Variants in SI observed in about 807,000 individuals in gnomAD.
SI encodes sucrase-isomaltase.
Under a neutral mutation model 253.3 loss-of-function variants are expected in SI, and 235 were observed. The observed-to-expected ratio is 0.93, with a 90% CI of 0.83 to 1.03. The LOEUF is 1.03. Among genes scored for constraint, SI ranks in the 50% least tolerant of loss-of-function variants. The pLI, the probability that SI is intolerant of heterozygous loss-of-function variation, is 0.00. For synonymous variants in SI, 819 were observed against 712.0 expected, an observed-to-expected ratio of 1.15 and a Z score of -2.39; for missense variants, 2,442 against 2,211.1, an observed-to-expected ratio of 1.10 and a Z score of -2.09.
Position 165,016,046 on chromosome 3 carries a change from C to A in SI, c.3794G>T (p.Arg1265Met), listed in dbSNP as rs1406134283. The A allele has an allele frequency of 6.2e-7, 1 of 1,613,076 alleles. No homozygotes were observed. Among genetic ancestry groups the A allele is most frequent in the East Asian group, 2.2e-5 (1 of 44,774 alleles). ...VQYTDIDYMERQLDFTIGEAF... is the reference protein window; with the variant it reads ...VQYTDIDYMEMQLDFTIGEAF... Reference sequence around the variant, plus strand: ...TTCACCAATTGTAAAGTCTAGCTGCCTTTCCATGTAGTCAATGTCTGTGTA... The same window carrying A: ...TTCACCAATTGTAAAGTCTAGCTGCATTTCCATGTAGTCAATGTCTGTGTA... Residue 1265 changes from arginine to methionine, a missense_variant, in exon 32 of 48, where the codon AGG becomes ATG. Coordinates refer to ENST00000264382, the MANE Select transcript of SI (RefSeq NM_001041.4).
In SI at chr3:165,059,167, C is replaced by T. The variant is rs1713858987; in HGVS notation, c.1278+1G>A. 1 of 1,612,252 alleles carries T rather than the reference C, an allele frequency of 6.2e-7. No homozygotes were observed. The highest frequency in any genetic ancestry group is 8.5e-7 in the Non-Finnish European group (1 of 1,179,070). On this transcript the variant is annotated splice_donor_variant, in intron 11 of 47. Transcript: ENST00000264382. LOFTEE classifies it high-confidence loss of function. Reference sequence around the variant, plus strand: ...TGTATTAAGGTATAATTGATTATTACCAAGATGATGACATATTTCTGTCCA... The same window carrying T: ...TGTATTAAGGTATAATTGATTATTATCAAGATGATGACATATTTCTGTCCA...
intron 28 of SI, among the ~76,000 whole-genome samples, 174 bp from the exon 29 acceptor site, chr3:165,018,240 A>G (rs1719136771): frequency 6.6e-6 from 1 of 151,544 alleles, no homozygotes; most frequent in Admixed American, 6.6e-5. Flanking sequence ...ATAATTGTTT[A>G]AATTTTTTCT....
intron 37 of SI, among the ~76,000 whole-genome samples, chr3:165,003,294 T>C (rs1718341674): frequency 1.3e-5 from 2 of 151,944 alleles, no homozygotes; most frequent in Non-Finnish European, 2.9e-5. Context: ...ATAATTTTTG[T>C]CAATAAGATC....
intron 14 of SI, 46 bp downstream of exon 14, chr3:165,049,745 A>T: frequency 8.9e-7 from 1 of 1,126,446 alleles, no homozygotes; most frequent in South Asian, 1.3e-5. Flanking sequence ...CAACTACAAA[A>T]TTATTCTCAA....
chr3:165,052,026 T>G (rs1387325051), intron 13 of SI, among the ~76,000 whole-genome samples: 4 of 152,022 alleles, frequency 2.6e-5, no homozygotes. Flanking sequence ...TTTTCATAAT[T>G]TTAACCATAT....
chr3:165,003,646 C>T (rs1164524292), intron 37 of SI, among the ~76,000 whole-genome samples: 1 of 152,052 alleles, frequency 6.6e-6, no homozygotes, highest in African/African-American at 2.4e-5. Flanking sequence ...CTTTTATCAA[C>T]TTCAGCTATT....
In SI at chr3:165,030,823, A is replaced by G; in HGVS notation, c.2781T>C (p.Phe927=). The G allele has an allele frequency of 6.2e-7, 1 of 1,605,034 alleles. No individual in the cohort carries two copies. The highest frequency in any genetic ancestry group is 2.2e-5 in the East Asian group (1 of 44,618). Residue 927 remains phenylalanine (F), a synonymous_variant, in exon 25 of 48, where the codon TTT becomes TTC. Transcript: ENST00000264382. ...ADLKLNLGRN[F]SVQWNQIFSE... The stretch of plus-strand genomic sequence containing the variant: ...AGAAAATTTGATTCCATTGAACACT[A>G]AAGTTTCTTCCAAGATTAAGTTTGA...
chr3:165,011,295 A>G lies in SI; in HGVS notation c.4062+1685T>C, dbSNP rs375076474. ...TTTGCTGCATCCCAGAAGTTTTGCTAAGTTGTATTTTTATTTTTGTTTGTC... is the reference window on the plus strand; with the variant it reads ...TTTGCTGCATCCCAGAAGTTTTGCTGAGTTGTATTTTTATTTTTGTTTGTC... On this transcript the variant is annotated intron_variant, in intron 34 of 47. Coordinates refer to ENST00000264382, the MANE Select transcript of SI (RefSeq NM_001041.4). Among the ~76,000 whole-genome samples the G allele has an allele frequency of 9.9e-5, 15 of 152,082 alleles. No individual in the cohort carries two copies. In the South Asian group the frequency reaches 2.9e-3, roughly 29 times the overall value.
intron 23 of SI, among the ~76,000 whole-genome samples, 184 bp downstream of exon 23, chr3:165,033,211 G>A (rs924959597): frequency 6.6e-6 from 1 of 151,238 alleles, no homozygotes; most frequent in African/African-American, 2.4e-5. Context: ...AAAATTTTAA[G>A]GTAACAATTT....
chr3:165,032,496 A>G (rs991877402), intron 24 of SI, 26 bp downstream of exon 24: 5 of 1,484,538 alleles, frequency 3.4e-6, no homozygotes, highest in Non-Finnish European at 4.7e-6. Flanking sequence ...TATGATAGCT[A>G]AAATATTTTA....
At chr3:164,992,851 C>T (rs1717830838) in intron 41 of SI, among the ~76,000 whole-genome samples, 1 of 151,776 alleles carries the variant, frequency 6.6e-6, no homozygotes, top group East Asian at 1.9e-4. Context: ...AGTAGATTTA[C>T]ATGTTCCTAA....
chr3:165,049,525 C>G (rs890531685), intron 14 of SI, among the ~76,000 whole-genome samples: 1 of 151,880 alleles, frequency 6.6e-6, no homozygotes, highest in Non-Finnish European at 1.5e-5. Context: ...TAAAAATAAC[C>G]TTTAACAATA....
Position 165,069,241 on chromosome 3 carries a change from A to C in SI, c.256-46T>G, listed in dbSNP as rs764925807. ...GAATTATATAATTACTACTATTATC[A>C]GATGTCCCAGTCTCTGTTTTTCCAA... On this transcript the variant is annotated intron_variant, in intron 3 of 47. Coordinates refer to ENST00000264382, the MANE Select transcript of SI (RefSeq NM_001041.4). 22 of 1,201,656 alleles carry C rather than the reference A, an allele frequency of 1.8e-5. No individual in the cohort carries two copies. The South Asian group carries it at 2.6e-4, about 14-fold the overall frequency. 74.4% of individuals were successfully genotyped at this position (1,201,656 alleles called of 1,614,324 possible).
chr3:165,013,023 T>C lies in SI; in HGVS notation c.4019A>G (p.Asn1340Ser). 6 of 1,610,682 alleles carry C rather than the reference T, an allele frequency of 3.7e-6. No individual in the cohort carries two copies. Among genetic ancestry groups the C allele is most frequent in the Non-Finnish European group, 5.1e-6 (6 of 1,177,044 alleles). The change falls in exon 34 of 48, where the codon AAC (asparagine) becomes AGC (serine). Residue 1340 changes from asparagine to serine, a missense_variant. By Grantham distance (46) the Asn-to-Ser change is conservative. Coordinates refer to ENST00000264382, the MANE Select transcript of SI (RefSeq NM_001041.4). ...CGTTAGAGTTTTATCTATTGTTATG[T>C]TGGGCAAATCTGGCCAAACCTACAA... Reference protein sequence around the residue: ...CWAKVWPDLPNITIDKTLTED... With the variant: ...CWAKVWPDLPSITIDKTLTED...
chr3:165,000,851 A>G (rs1197734337), intron 37 of SI, among the ~76,000 whole-genome samples: 4 of 151,392 alleles, frequency 2.6e-5, no homozygotes, highest in African/African-American at 9.7e-5. Context: ...ACCACTTGAC[A>G]TTGGAGAGTT....
At chr3:165,043,958 T>A (rs1004077891) in intron 16 of SI, among the ~76,000 whole-genome samples, 2 of 151,962 alleles carry the variant, frequency 1.3e-5, no homozygotes, top group Non-Finnish European at 2.9e-5. Flanking sequence ...GCATCCCTAA[T>A]CCAAAAATCC....
chr3:164,983,124 T>G, intron 45 of SI, 73 bp from the exon 46 acceptor site: 1 of 1,409,390 alleles, frequency 7.1e-7, no homozygotes. Flanking sequence ...CTGTATACTT[T>G]GCTTCTCTTT....
chr3:165,055,052 C>T, intron 13 of SI, 142 bp downstream of exon 13: 15 of 599,436 alleles, frequency 2.5e-5, no homozygotes, highest in South Asian at 4.1e-5. Flanking sequence ...TATATTTATC[C>T]ATTCTGGGAA....
At chr3:165,057,922 T>C (rs1576914709) in intron 12 of SI, among the ~76,000 whole-genome samples, 1 of 152,012 alleles carries the variant, frequency 6.6e-6, no homozygotes, top group East Asian at 1.9e-4. Flanking sequence ...TAATCTTTAT[T>C]ATAAACTAAG....
Sources: allele counts gnomAD v4.1 joint callset (sites outside exome capture counted in the v4.1 genomes callset), GRCh38; gene constraint gnomAD v4.1.1; transcripts MANE v1.5; gene names NCBI Gene and HGNC (gene_info 2026-07-23, HGNC 2026-07-21).